Variants in FAM107B observed in about 807,000 individuals in gnomAD.
FAM107B encodes family with sequence similarity 107 member B.
Under a neutral mutation model 31.5 loss-of-function variants are expected in FAM107B, and 21 were observed. The observed-to-expected ratio is 0.67, with a 90% CI of 0.47 to 0.96. The LOEUF (loss-of-function observed/expected upper bound fraction) is 0.96. Among genes scored for constraint, FAM107B ranks in the 40% least tolerant of loss-of-function variants. FAM107B has a pLI of 0.00. For missense variants in FAM107B, 452 were observed against 377.1 expected, an observed-to-expected ratio of 1.20 and a Z score of -1.64; for synonymous variants, 157 against 141.5, an observed-to-expected ratio of 1.11 and a Z score of -0.78.
chr10:14,562,085 C>CT (rs1850294407), intron 2 of FAM107B, among the ~76,000 whole-genome samples: 1 of 152,188 alleles, frequency 6.6e-6, no homozygotes, highest in Non-Finnish European at 1.5e-5. Context: ...TACGCCCGGC[C>CT]TTAGAGTGCA....
chr10:14,549,775 G>C (rs908591115), intron 2 of FAM107B, among the ~76,000 whole-genome samples: 1 of 152,128 alleles, frequency 6.6e-6, no homozygotes, highest in African/African-American at 2.4e-5. Flanking sequence ...AACTCGAAGT[G>C]ATCTCCCCAC....
chr10:14,625,594 A>G (rs1385463023), intron 2 of FAM107B, among the ~76,000 whole-genome samples: 1 of 152,140 alleles, frequency 6.6e-6, no homozygotes, highest in African/African-American at 2.4e-5. Context: ...AATAGGCATT[A>G]ATGTCGCGTG....
intron 3 of FAM107B, among the ~76,000 whole-genome samples, chr10:14,523,536 G>A (rs1845892226): frequency 1.3e-5 from 2 of 152,218 alleles, no homozygotes; most frequent in Admixed American, 1.3e-4. Context: ...TGGTCCGGCT[G>A]CTGATGACTG....
intron 2 of FAM107B, among the ~76,000 whole-genome samples, chr10:14,644,149 C>T (rs979390156): frequency 1.3e-5 from 2 of 152,216 alleles, no homozygotes; most frequent in Admixed American, 1.3e-4. Flanking sequence ...ATAGTAGAAT[C>T]GTGGGGGAAG....
chr10:14,590,513 C>T (rs781339786), intron 2 of FAM107B, among the ~76,000 whole-genome samples: 53 of 152,180 alleles, frequency 3.5e-4, no homozygotes, highest in Non-Finnish European at 5.6e-4. Flanking sequence ...AATCAAACTG[C>T]GGATGTAGTA....
intron 2 of FAM107B, among the ~76,000 whole-genome samples, chr10:14,569,414 T>C (rs1375764280): frequency 1.3e-5 from 2 of 151,522 alleles, no homozygotes; most frequent in Non-Finnish European, 2.9e-5. Flanking sequence ...TGTGTGTGTG[T>C]GCATGCATGC....
chr10:14,675,237 T>C (rs576934818), intron 1 of FAM107B, among the ~76,000 whole-genome samples: 1 of 152,214 alleles, frequency 6.6e-6, no homozygotes, highest in East Asian at 1.9e-4. Context: ...AAGCTGGGCG[T>C]TGGGAACTCC....
At chr10:14,758,766 T>C (rs1266406701) in intron 1 of FAM107B, among the ~76,000 whole-genome samples, 4 of 151,070 alleles carry the variant, frequency 2.6e-5, no homozygotes, top group Admixed American at 6.6e-5. Flanking sequence ...ACCCCAGGAC[T>C]TTGGGAGGCT....
intron 2 of FAM107B, among the ~76,000 whole-genome samples, chr10:14,565,608 A>T (rs1850595619): frequency 6.6e-6 from 1 of 152,248 alleles, no homozygotes; most frequent in African/African-American, 2.4e-5. Context: ...GGATGCACTG[A>T]CATAGGTGCT....
intron 2 of FAM107B, among the ~76,000 whole-genome samples, chr10:14,586,347 T>C (rs1851835937): frequency 6.6e-6 from 1 of 152,106 alleles, no homozygotes; most frequent in African/African-American, 2.4e-5. Context: ...ATATATGAGA[T>C]GAGAATCCTG....
At chr10:14,716,876 G>A (rs1415607622) in intron 1 of FAM107B, among the ~76,000 whole-genome samples, 1 of 152,138 alleles carries the variant, frequency 6.6e-6, no homozygotes, top group Non-Finnish European at 1.5e-5. Context: ...GATCACCTGA[G>A]GTCAGGAGTT....
chr10:14,615,039 GC>G (rs1022489740), intron 2 of FAM107B, among the ~76,000 whole-genome samples: 2 of 152,102 alleles, frequency 1.3e-5, no homozygotes, highest in African/African-American at 4.8e-5. Flanking sequence ...TTTAAAAATG[GC>G]AGAAACTGCT....
intron 1 of FAM107B, among the ~76,000 whole-genome samples, chr10:14,683,776 A>G (rs995251924): frequency 3.9e-5 from 6 of 152,216 alleles, no homozygotes; most frequent in Non-Finnish European, 5.9e-5. Context: ...GAATGCATAA[A>G]TAAGTGAATA....
At chr10:14,617,615 CTG>C (rs1192553203) in intron 2 of FAM107B, among the ~76,000 whole-genome samples, 1 of 152,174 alleles carries the variant, frequency 6.6e-6, no homozygotes, top group Non-Finnish European at 1.5e-5. Context: ...AAAAGTAAAA[CTG>C]TGTGCTCAGA....
intron 2 of FAM107B, among the ~76,000 whole-genome samples, chr10:14,538,949 A>G (rs1051241818): frequency 3.3e-5 from 5 of 152,244 alleles, no homozygotes; most frequent in African/African-American, 1.2e-4. Flanking sequence ...AATCAGAGCT[A>G]GTACACTTGC....
intron 1 of FAM107B, among the ~76,000 whole-genome samples, chr10:14,704,004 T>C (rs2131527653): frequency 6.6e-6 from 1 of 152,272 alleles, no homozygotes; most frequent in African/African-American, 2.4e-5. Context: ...GAAAACTGGG[T>C]TCTCCTCCCA....
At chr10:14,612,175 A>G (rs762536011) in intron 2 of FAM107B, among the ~76,000 whole-genome samples, 6 of 152,258 alleles carry the variant, frequency 3.9e-5, no homozygotes, top group Non-Finnish European at 8.8e-5. Context: ...CTCTGCTTAG[A>G]GAAGTGTGTG....
chr10:14,767,260 T>C (rs1314984282), intron 1 of FAM107B, among the ~76,000 whole-genome samples: 1 of 150,562 alleles, frequency 6.6e-6, no homozygotes, highest in Non-Finnish European at 1.5e-5. Context: ...CCCAGCTAAT[T>C]TTTGTATTTT....
chr10:14,740,591 G>C (rs138870394), intron 1 of FAM107B, among the ~76,000 whole-genome samples: 5 of 152,216 alleles, frequency 3.3e-5, no homozygotes, highest in Non-Finnish European at 7.4e-5. Flanking sequence ...ACCCTAATGC[G>C]TATATGGGCT....
Sources: allele counts gnomAD v4.1 joint callset (sites outside exome capture counted in the v4.1 genomes callset), GRCh38; gene constraint gnomAD v4.1.1; transcripts MANE v1.5; gene names NCBI Gene and HGNC (gene_info 2026-07-23, HGNC 2026-07-21).